Variants in ACVRL1 observed in about 807,000 individuals in gnomAD.
ACVRL1 encodes activin receptor type-1-like.
In ACVRL1, 20 loss-of-function variants were observed where a neutral mutation model predicts 51.9. The observed-to-expected ratio is 0.39, with a 90% CI of 0.27 to 0.56. The LOEUF is 0.56. Ranked by LOEUF, ACVRL1 falls within the 20% of genes least tolerant of loss-of-function variation. ACVRL1 has a pLI of 0.67. For synonymous variants in ACVRL1, 288 were observed against 280.9 expected (o/e 1.03, Z -0.25); for missense variants, 451 against 670.3 (o/e 0.67, Z 3.61).
intron 6 of ACVRL1, 72 bp from the exon 7 acceptor site, chr12:51,915,153 C>G (rs1940798633): frequency 1.3e-6 from 2 of 1,567,638 alleles, no homozygotes; most frequent in Non-Finnish European, 8.8e-7. Flanking sequence ...CCAACCCCAC[C>G]CTGACCCTGA....
At position 51,910,559 on chromosome 12, in the gene ACVRL1, C is replaced by A. The variant is rs192186651; in HGVS notation, c.-5-1911C>A. Among the ~76,000 whole-genome samples, 9 of 152,280 alleles carry A rather than the reference C, an allele frequency of 5.9e-5. No individual in the cohort carries two copies. In the East Asian group the frequency reaches 1.7e-3, roughly 29 times the overall value. On this transcript the variant is annotated intron_variant, in intron 1 of 9. Transcript: ENST00000388922. ...GGGCACGGCCAGAGAAGTAGAGGTA[C>A]GGACAGAGGATCCTAGAGGAATGCC...
chr12:51,915,553 G>C (rs546452534), intron 7 of ACVRL1, 53 bp downstream of exon 7: 9 of 1,567,720 alleles, frequency 5.7e-6, no homozygotes, highest in Middle Eastern at 2.3e-4. Context: ...GAGCTTGTGC[G>C]CTCTCCTCTC....
chr12:51,910,825 GAC>G (rs1940674564), intron 1 of ACVRL1, among the ~76,000 whole-genome samples: 1 of 152,174 alleles, frequency 6.6e-6, no homozygotes, highest in African/African-American at 2.4e-5. Context: ...AGAGGCTGGG[GAC>G]ACAGCTGCAG....
intron 9 of ACVRL1, among the ~76,000 whole-genome samples, chr12:51,920,289 A>G (rs1940940612): frequency 6.6e-6 from 1 of 152,152 alleles, no homozygotes; most frequent in Admixed American, 6.5e-5. Flanking sequence ...TGCCCTCTGC[A>G]CTGGGGTCTT....
In ACVRL1 at chr12:51,913,177, G is replaced by A. The variant is rs774389618; in HGVS notation, c.140G>A (p.Arg47Gln). Residue 47 changes from arginine to glutamine, a missense_variant, in exon 3 of 10, where the codon CGG becomes CAG. Around this residue, in one of 2 missense-constraint regions of ACVRL1, gnomAD observed 192 missense variants for 216.9 expected, o/e 0.89. Transcript: ENST00000388922. ...ESPHCKGPTC[R>Q]GAWCTVVLVR... is the part of the protein sequence containing the mutation. ...CCACATTGCAAGGGGCCTACCTGCC[G>A]GGGGGCCTGGTGCACAGTAGTGCTG... The A allele has an allele frequency of 1.8e-5, 29 of 1,599,088 alleles. No individual in the cohort carries two copies. Among genetic ancestry groups the A allele is most frequent in the East Asian group, 4.5e-5 (2 of 44,468 alleles).
chr12:51,920,945 G>GGGGGGGGGGGCCCGGGC lies in ACVRL1; in HGVS notation c.*52_*53insGGGGGGGGGGCCCGGGC. The GGGGGGGGGGGCCCGGGC allele has an allele frequency of 1.4e-6, 1 of 740,484 alleles. No homozygotes were observed. Among genetic ancestry groups the GGGGGGGGGGGCCCGGGC allele is most frequent in the Non-Finnish European group, 2.4e-6 (1 of 424,056 alleles). 45.9% of individuals were successfully genotyped at this position (740,484 alleles called of 1,614,324 possible). A position where few individuals can be genotyped will look rare whatever the true frequency, so the allele number is the denominator to read the frequency against. ...CTGCAGGGGGCTGGGGGGGTGGGGGGCAGTGGATGGTGCCCTATCTGGGTA... is the reference window on the plus strand; with the variant it reads ...CTGCAGGGGGCTGGGGGGGTGGGGGGGGGGGGGGGGCCCGGGCCAGTGGATGGTGCCCTATCTGGGTA... On this transcript the variant is annotated 3_prime_UTR_variant, in exon 10 of 10. Coordinates refer to ENST00000388922, the MANE Select transcript of ACVRL1 (RefSeq NM_000020.3).
Position 51,916,121 on chromosome 12 carries a change from C to T in ACVRL1, c.1134C>T (p.Pro378=), listed in dbSNP as rs147021958. The T allele has an allele frequency of 5.5e-5, 88 of 1,613,760 alleles. No individual in the cohort carries two copies. Among genetic ancestry groups the T allele is most frequent in the African/African-American group, 2.1e-4 (16 of 74,922 alleles). The change falls in exon 8 of 10, where the codon CCC becomes CCT. Residue 378 remains proline (P), a synonymous_variant. Coordinates refer to ENST00000388922, the MANE Select transcript of ACVRL1 (RefSeq NM_000020.3). The stretch of plus-strand genomic sequence containing the variant: ...TGGGCACCAAGCGGTACATGGCACC[C>T]GAGGTGCTGGACGAGCAGATCCGCA... ...PRVGTKRYMA[P]EVLDEQIRTD... is the part of the protein sequence containing the mutation.
intron 1 of ACVRL1, among the ~76,000 whole-genome samples, chr12:51,911,390 G>A (rs1443235537): frequency 6.6e-6 from 1 of 152,160 alleles, no homozygotes; most frequent in Non-Finnish European, 1.5e-5. Flanking sequence ...GTGTCTAAGT[G>A]TGTTTCACTT....
At chr12:51,911,189 T>C (rs1403057609) in intron 1 of ACVRL1, among the ~76,000 whole-genome samples, 1 of 152,214 alleles carries the variant, frequency 6.6e-6, no homozygotes, top group Non-Finnish European at 1.5e-5. Context: ...AGGGTCCTTC[T>C]TGCTGCAGCT....
intron 2 of ACVRL1, among the ~76,000 whole-genome samples, chr12:51,912,891 AG>A (rs1940723468): frequency 6.6e-6 from 1 of 151,956 alleles, no homozygotes; most frequent in African/African-American, 2.4e-5. Flanking sequence ...AGGAGCCAGG[AG>A]GGGACAAAAG....
chr12:51,916,027 C>T lies in ACVRL1; in HGVS notation c.1049-9C>T, dbSNP rs2139075755. On this transcript the variant is annotated splice_polypyrimidine_tract_variant and intron_variant, in intron 7 of 9. Coordinates refer to ENST00000388922, the MANE Select transcript of ACVRL1 (RefSeq NM_000020.3). ...AGAGGGGCAGGAGTGACAGGCCTCACCCCCACAGGCCTGGCTGTGATGCAC... is the reference window on the plus strand; with the variant it reads ...AGAGGGGCAGGAGTGACAGGCCTCATCCCCACAGGCCTGGCTGTGATGCAC... 1 of 1,610,536 alleles carries T rather than the reference C, an allele frequency of 6.2e-7. No individual in the cohort carries two copies. Among genetic ancestry groups the T allele is most frequent in the Non-Finnish European group, 8.5e-7 (1 of 1,177,638 alleles).
intron 1 of ACVRL1, among the ~76,000 whole-genome samples, chr12:51,912,042 G>T (rs1336668768): frequency 6.6e-6 from 1 of 152,118 alleles, no homozygotes; most frequent in East Asian, 1.9e-4. Flanking sequence ...AGCCAGGGCT[G>T]GGGGGGCATT....
In ACVRL1 at chr12:51,920,889, A is replaced by T; in HGVS notation, c.1508A>T (p.Gln503Leu). The T allele has an allele frequency of 1.3e-6, 2 of 1,557,886 alleles. No homozygotes were observed. The highest frequency in any genetic ancestry group is 2.2e-5 in the South Asian group (2 of 89,948). The change falls in exon 10 of 10, where the codon CAA becomes CTA. Residue 503 changes from glutamine to leucine, a missense_variant. Coordinates refer to ENST00000388922, the MANE Select transcript of ACVRL1 (RefSeq NM_000020.3). Reference protein sequence around the residue: ...SNSPEKPKVIQ With the variant: ...SNSPEKPKVIL ...AGTCCAGAGAAGCCTAAAGTGATTCAATAGCCCAGGAGCACCTGATTCCTT... is the reference window on the plus strand; with the variant it reads ...AGTCCAGAGAAGCCTAAAGTGATTCTATAGCCCAGGAGCACCTGATTCCTT...
rs1940971632 is a variant in ACVRL1, at chr12:51,921,176, T to G, written c.*283T>G. 4.4e-6 allele frequency: 2 copies of G among 449,798 alleles called. No individual in the cohort carries two copies. The highest frequency in any genetic ancestry group is 3.4e-5 in the Admixed American group (1 of 29,094). 27.9% of individuals were successfully genotyped at this position (449,798 alleles called of 1,614,324 possible). A position where few individuals can be genotyped will look rare whatever the true frequency, so the allele number is the denominator to read the frequency against. On this transcript the variant is annotated 3_prime_UTR_variant, in exon 10 of 10. Transcript: ENST00000388922. ...ACCCCCTACCACTCCCGGGACAGGATGCAAAAGAGGCTCCAGAGTCAGAGT... is the reference window on the plus strand; with the variant it reads ...ACCCCCTACCACTCCCGGGACAGGAGGCAAAAGAGGCTCCAGAGTCAGAGT...
Position 51,915,343 on chromosome 12 carries a change from T to A in ACVRL1, c.891T>A (p.His297Gln). ...TGCAGAGACAGACGCTGGAGCCCCA[T>A]CTGGCTCTGAGGCTAGCTGTGTCCG... ...DFLQRQTLEP[H>Q]LALRLAVSAA... The change falls in exon 7 of 10, where the codon CAT (histidine) becomes CAA (glutamine). Residue 297 changes from histidine to glutamine, a missense_variant. Transcript: ENST00000388922. 6.2e-7 allele frequency: 1 copy of A among 1,614,168 alleles called. No homozygotes were observed. The highest frequency in any genetic ancestry group is 8.5e-7 in the Non-Finnish European group (1 of 1,180,048).
intron 9 of ACVRL1, 136 bp downstream of exon 9, chr12:51,919,251 T>C (rs1399936468): frequency 2.9e-6 from 4 of 1,357,168 alleles, no homozygotes; most frequent in Non-Finnish European, 4.1e-6. Flanking sequence ...CCTCTCTAGG[T>C]ACTCCCTCTT....
At chr12:51,909,130 G>A (rs1028590614) in intron 1 of ACVRL1, among the ~76,000 whole-genome samples, 1 of 152,196 alleles carries the variant, frequency 6.6e-6, no homozygotes, top group Admixed American at 6.5e-5. Flanking sequence ...GCTGTGCTGA[G>A]CCACTGCCGT....
rs781586192 is a variant in ACVRL1, at chr12:51,913,148, G to C, written c.111G>C (p.Glu37Asp). 1 of 1,607,170 alleles carries C rather than the reference G, an allele frequency of 6.2e-7. No individual in the cohort carries two copies. Residue 37 changes from glutamate to aspartate, a missense_variant, in exon 3 of 10, where the codon GAG becomes GAC. Transcript: ENST00000388922. ...SRGPLVTCTCESPHCKGPTCR... is the reference protein window; with the variant it reads ...SRGPLVTCTCDSPHCKGPTCR... ...GCCCGCTGGTGACCTGCACGTGTGA[G>C]AGCCCACATTGCAAGGGGCCTACCT...
At position 51,921,719 on chromosome 12, in the gene ACVRL1, TTTC is replaced by T. The variant is rs1940984782; in HGVS notation, c.*829_*831del. 1 of 151,936 alleles carries T rather than the reference TTTC, an allele frequency of 6.6e-6. No individual in the cohort carries two copies. The highest frequency in any genetic ancestry group is 1.5e-5 in the Non-Finnish European group (1 of 68,102). The allele number at this position is 151,936 out of a possible 1,614,324, so 9.4% of individuals were successfully genotyped here. A position where few individuals can be genotyped will look rare whatever the true frequency, so the allele number is the denominator to read the frequency against. On this transcript the variant is annotated 3_prime_UTR_variant, in exon 10 of 10. Transcript: ENST00000388922. Reference sequence around the variant, plus strand: ...CAAAAGCAGGCCTGTCTCAGGACCTTTTCTTTTCTTTTTTCCTTCTTTTTTTTT... The same window carrying T: ...CAAAAGCAGGCCTGTCTCAGGACCTTTTTTCTTTTTTCCTTCTTTTTTTTT...
Sources: allele counts gnomAD v4.1 joint callset (sites outside exome capture counted in the v4.1 genomes callset), GRCh38; gene constraint gnomAD v4.1.1; regional missense constraint gnomAD v4.1.1; transcripts MANE v1.5; gene names NCBI Gene and HGNC (gene_info 2026-07-23, HGNC 2026-07-21).